The following KPNA4 variants were observed in gnomAD, a reference collection of about 807,000 sequenced individuals.
KPNA4 encodes karyopherin subunit alpha 4.
Under a neutral mutation model 71.3 loss-of-function variants are expected in KPNA4, and 13 were observed. The observed-to-expected ratio is 0.18, with a 90% CI of 0.12 to 0.29. The LOEUF (loss-of-function observed/expected upper bound fraction) is 0.29. KPNA4 is among the 10% of genes least tolerant of loss of function. KPNA4 has a pLI of 1.00. For missense variants in KPNA4, 334 were observed against 603.2 expected (o/e 0.55, Z 4.67); for synonymous variants, 189 against 195.2 (o/e 0.97, Z 0.26).
chr3:160,515,175 A>G, intron 12 of KPNA4: 1 of 536,660 alleles, frequency 1.9e-6, no homozygotes, highest in South Asian at 1.4e-5. Flanking sequence ...CATAATATAC[A>G]TATTAAAAAT....
At chr3:160,532,424 C>A (rs1302577483) in intron 5 of KPNA4, among the ~76,000 whole-genome samples, 1 of 152,164 alleles carries the variant, frequency 6.6e-6, no homozygotes, top group African/African-American at 2.4e-5. Context: ...AAAAGTTCAA[C>A]AACATTTTCA....
chr3:160,536,747 A>AATGTTGTT (rs776467396), intron 2 of KPNA4, 49 bp downstream of exon 2: 1 of 1,090,326 alleles, frequency 9.2e-7, no homozygotes, highest in Non-Finnish European at 1.4e-6. Flanking sequence ...ATAATGCTAT[A>AATGTTGTT]ATGTTGTTAG....
chr3:160,534,329 C>G (rs950908703), intron 5 of KPNA4, among the ~76,000 whole-genome samples: 2 of 152,052 alleles, frequency 1.3e-5, no homozygotes, highest in African/African-American at 4.8e-5. Context: ...ATGATACAAC[C>G]ATGTCTTCCC....
At chr3:160,550,536 G>A (rs954164113) in intron 1 of KPNA4, among the ~76,000 whole-genome samples, 1 of 152,092 alleles carries the variant, frequency 6.6e-6, no homozygotes, top group Non-Finnish European at 1.5e-5. Context: ...CCAAAGCACT[G>A]GACTTATATG....
intron 2 of KPNA4, 25 bp from the exon 3 acceptor site, chr3:160,535,922 A>AAC: frequency 9.1e-7 from 1 of 1,094,624 alleles, no homozygotes; most frequent in Non-Finnish European, 1.2e-6. Context: ...AAAAAAAAAA[A>AAC]AAACCAAACA....
chr3:160,559,251 C>T (rs1722198149), intron 1 of KPNA4, among the ~76,000 whole-genome samples: 1 of 151,996 alleles, frequency 6.6e-6, no homozygotes, highest in Non-Finnish European at 1.5e-5. Context: ...TTTCAGCTTC[C>T]TCTGAACTTG....
In KPNA4 at chr3:160,518,724, G is replaced by A. The variant is rs530952179; in HGVS notation, c.903+3055C>T. On this transcript the variant is annotated intron_variant, in intron 11 of 16. Transcript: ENST00000334256. ...AAAATACAAAAAATCAGCTGGGCAT[G>A]GTAGCAGGCACCTGTAATCTCAGCT... Among the ~76,000 whole-genome samples, 3 of 152,008 alleles carry A rather than the reference G, an allele frequency of 2.0e-5. No homozygotes were observed. The East Asian group carries it at 5.9e-4, about 30-fold the overall frequency.
chr3:160,537,357 C>T (rs2108554411), intron 1 of KPNA4, among the ~76,000 whole-genome samples: 1 of 151,900 alleles, frequency 6.6e-6, no homozygotes, highest in East Asian at 1.9e-4. Flanking sequence ...TTTTGGTTTA[C>T]TTTGTTTATA....
chr3:160,496,896 T>G lies in KPNA4; in HGVS notation c.*5208A>C, dbSNP rs1379876528. 1 of 152,218 alleles carries G rather than the reference T, an allele frequency of 6.6e-6. No individual in the cohort carries two copies. Among genetic ancestry groups the G allele is most frequent in the Non-Finnish European group, 1.5e-5 (1 of 68,026 alleles). The allele number at this position is 152,218 out of a possible 1,614,324, so 9.4% of individuals were successfully genotyped here. On this transcript the variant is annotated 3_prime_UTR_variant, in exon 17 of 17. Coordinates refer to ENST00000334256, the MANE Select transcript of KPNA4 (RefSeq NM_002268.5). ...GAAAATACACTGGACTTGGACATCC[T>G]GAGTCAAACTGCCATCACCTAAAGG...
intron 16 of KPNA4, 81 bp downstream of exon 16, chr3:160,504,877 C>T (rs1720953179): frequency 1.9e-6 from 1 of 524,270 alleles, no homozygotes; most frequent in Admixed American, 4.1e-5. Flanking sequence ...ACATGTATGT[C>T]CCCCAGCTTA....
intron 2 of KPNA4, among the ~76,000 whole-genome samples, chr3:160,536,275 T>C (rs1472486913): frequency 6.6e-6 from 1 of 152,088 alleles, no homozygotes; most frequent in African/African-American, 2.4e-5. Flanking sequence ...CTTTACCACC[T>C]AAAAGCAAAG....
chr3:160,514,833 G>A (rs1032710687), intron 12 of KPNA4: 38 of 418,738 alleles, frequency 9.1e-5, no homozygotes, highest in Middle Eastern at 9.6e-4. Flanking sequence ...GTGGCCTTAC[G>A]CGTTATAATC....
At chr3:160,518,872 A>C (rs1037696812) in intron 11 of KPNA4, among the ~76,000 whole-genome samples, 3 of 152,118 alleles carry the variant, frequency 2.0e-5, no homozygotes, top group African/African-American at 7.2e-5. Context: ...CACACACAAA[A>C]AAAGTAAATC....
chr3:160,565,003 A>G (rs1404995874), intron 1 of KPNA4, among the ~76,000 whole-genome samples: 1 of 149,186 alleles, frequency 6.7e-6, no homozygotes, highest in Non-Finnish European at 1.5e-5. Flanking sequence ...CGCCGGCCGT[A>G]CCCGGGCACC....
At chr3:160,535,715 C>T (rs1292642300) in intron 3 of KPNA4, 25 bp from the exon 4 acceptor site, 2 of 1,572,196 alleles carry the variant, frequency 1.3e-6, no homozygotes, top group Admixed American at 2.2e-5. Flanking sequence ...AAAGAGAAAA[C>T]TCAGTTAAAA....
intron 1 of KPNA4, among the ~76,000 whole-genome samples, chr3:160,542,760 T>C (rs912929411): frequency 6.6e-6 from 1 of 151,896 alleles, no homozygotes; most frequent in African/African-American, 2.4e-5. Flanking sequence ...TGAGCATAAG[T>C]GAAGAGAAGT....
At chr3:160,553,862 T>C (rs746861005) in intron 1 of KPNA4, among the ~76,000 whole-genome samples, 54 of 152,234 alleles carry the variant, frequency 3.5e-4, no homozygotes, top group Non-Finnish European at 6.8e-4. Context: ...ATACTCATTG[T>C]AAATTTGAGT....
chr3:160,561,448 G>A (rs1480404929), intron 1 of KPNA4, among the ~76,000 whole-genome samples: 1 of 151,962 alleles, frequency 6.6e-6, no homozygotes, highest in Non-Finnish European at 1.5e-5. Flanking sequence ...AACACTGTAA[G>A]AAGCAGCCAC....
intron 16 of KPNA4, 79 bp downstream of exon 16, chr3:160,504,879 C>T (rs555856859): frequency 3.7e-6 from 2 of 547,140 alleles, no homozygotes; most frequent in South Asian, 5.3e-5. Flanking sequence ...ATGTATGTCC[C>T]CCAGCTTACT....
Sources: allele counts gnomAD v4.1 joint callset (sites outside exome capture counted in the v4.1 genomes callset), GRCh38; gene constraint gnomAD v4.1.1; transcripts MANE v1.5; gene names NCBI Gene and HGNC (gene_info 2026-07-23, HGNC 2026-07-21).